Variants in RABGEF1 observed in about 807,000 individuals in gnomAD.
RABGEF1 encodes RAB guanine nucleotide exchange factor 1.
A neutral mutation model predicts 57.3 loss-of-function variants in RABGEF1; 26 were observed. That is an observed-to-expected ratio of 0.45 (90% CI 0.33 to 0.63). The LOEUF (loss-of-function observed/expected upper bound fraction) is 0.63. RABGEF1 is among the 20% of genes least tolerant of loss of function. The pLI, the probability that RABGEF1 is intolerant of heterozygous loss-of-function variation, is 0.02. For missense variants in RABGEF1, 464 were observed against 607.6 expected (o/e 0.76, Z 2.48); for synonymous variants, 185 against 210.7 (o/e 0.88, Z 1.06).
chr7:66,743,447 C>T (rs1799478016), intron 1 of RABGEF1, among the ~76,000 whole-genome samples: 1 of 152,076 alleles, frequency 6.6e-6, no homozygotes, highest in Non-Finnish European at 1.5e-5. Context: ...GTCTCAGCCT[C>T]CCAAGTAACT....
intron 1 of RABGEF1, among the ~76,000 whole-genome samples, chr7:66,697,816 C>T (rs1182599825): frequency 2.6e-5 from 4 of 152,084 alleles, no homozygotes; most frequent in African/African-American, 4.8e-5. Context: ...AGCAGAACTG[C>T]GGTGGGGCCA....
chr7:66,765,757 C>CT (rs1805540804), intron 1 of RABGEF1, among the ~76,000 whole-genome samples: 1 of 152,182 alleles, frequency 6.6e-6, no homozygotes, highest in East Asian at 1.9e-4. Flanking sequence ...GCAAAAGACT[C>CT]TAACACAGTT....
At chr7:66,808,276 C>T (rs1440361907) in intron 8 of RABGEF1, among the ~76,000 whole-genome samples, 2 of 151,086 alleles carry the variant, frequency 1.3e-5, no homozygotes, top group Admixed American at 6.6e-5. Flanking sequence ...AGTGCAGTGG[C>T]GTGATCTTGG....
chr7:66,731,008 G>A (rs767297829), intron 2 of RABGEF1, among the ~76,000 whole-genome samples: 31 of 152,080 alleles, frequency 2.0e-4, no homozygotes, highest in Non-Finnish European at 2.8e-4. Flanking sequence ...GCAGGGATTC[G>A]GGGCCAGGCT....
chr7:66,805,403 A>G lies in RABGEF1; in HGVS notation c.1077+7A>G. Reference sequence around the variant, plus strand: ...CTACTATTTCACCAATCTGGTGAGTAAGTGAGTTCTTGGTGTTGTGGAGAA... The same window carrying G: ...CTACTATTTCACCAATCTGGTGAGTGAGTGAGTTCTTGGTGTTGTGGAGAA... On this transcript the variant is annotated splice_region_variant and intron_variant, in intron 8 of 8. Transcript: ENST00000284957. 1 of 1,613,734 alleles carries G rather than the reference A, an allele frequency of 6.2e-7. No individual in the cohort carries two copies. Among genetic ancestry groups the G allele is most frequent in the East Asian group, 2.2e-5 (1 of 44,874 alleles).
chr7:66,738,268 C>G (rs879656037), upstream of RABGEF1, among the ~76,000 whole-genome samples: 10 of 152,188 alleles, frequency 6.6e-5, no homozygotes, highest in Non-Finnish European at 1.3e-4. Context: ...ATCAGCCTGC[C>G]TTGGCCTCCC....
chr7:66,737,051 GGAGAGAGAGA>G (rs146350696), upstream of RABGEF1, among the ~76,000 whole-genome samples: 19 of 124,922 alleles, frequency 1.5e-4, no homozygotes, highest in Non-Finnish European at 2.8e-4. Flanking sequence ...ATATGAGGGG[GGAGAGAGAGA>G]GAGAGAGAGA....
intron 1 of RABGEF1, among the ~76,000 whole-genome samples, chr7:66,754,140 T>C (rs1299894832): frequency 6.6e-6 from 1 of 150,446 alleles, no homozygotes; most frequent in African/African-American, 2.4e-5. Context: ...TAGCTGGGAC[T>C]ACAGGCGCCC....
chr7:66,663,691 T>A, the RABGEF1 span, among the ~76,000 whole-genome samples: 1 of 149,356 alleles, frequency 6.7e-6, no homozygotes, highest in Non-Finnish European at 1.5e-5. Context: ...TGTATACATA[T>A]GTAACTAACC....
the RABGEF1 span, among the ~76,000 whole-genome samples, chr7:66,659,081 T>C: frequency 6.6e-6 from 1 of 152,106 alleles, no homozygotes; most frequent in Non-Finnish European, 1.5e-5. Context: ...CATTGCCTTG[T>C]TACTAGGGCC....
chr7:66,769,642 C>T (rs776503112), intron 1 of RABGEF1, among the ~76,000 whole-genome samples: 11 of 152,188 alleles, frequency 7.2e-5, no homozygotes, highest in Non-Finnish European at 1.6e-4. Flanking sequence ...GTTGCTTTTG[C>T]AGGAGAGGAT....
chr7:66,706,930 C>T (rs199968128), intron 1 of RABGEF1, among the ~76,000 whole-genome samples: 5 of 150,962 alleles, frequency 3.3e-5, no homozygotes, highest in African/African-American at 1.2e-4. Flanking sequence ...TACAGGCGCC[C>T]ACGACCACGC....
At chr7:66,694,819 G>C (rs994518568) in intron 1 of RABGEF1, among the ~76,000 whole-genome samples, 2 of 152,214 alleles carry the variant, frequency 1.3e-5, no homozygotes, top group Admixed American at 1.3e-4. Context: ...AGGCGTCAGG[G>C]CCCTTCTCTC....
rs563929554 is a variant in RABGEF1 at position 66,784,234 on chromosome 7, G to A, written c.513+393G>A. Among the ~76,000 whole-genome samples the A allele has an allele frequency of 7.2e-4, 109 of 152,270 alleles. 1 individual carries two copies. Among genetic ancestry groups the A allele is most frequent in the African/African-American group, 2.6e-3 (108 of 41,566 alleles). On this transcript the variant is annotated intron_variant, in intron 4 of 8. Coordinates refer to ENST00000284957, the MANE Select transcript of RABGEF1 (RefSeq NM_014504.3). Reference sequence around the variant, plus strand: ...GTTGTTGAATTCTGTTTTGTTTTTTGTATTTTGATTTTGAATTTTTTCATT... The same window carrying A: ...GTTGTTGAATTCTGTTTTGTTTTTTATATTTTGATTTTGAATTTTTTCATT...
intron 2 of RABGEF1, among the ~76,000 whole-genome samples, chr7:66,714,656 C>A (rs1795154854): frequency 6.6e-6 from 1 of 152,154 alleles, no homozygotes; most frequent in Non-Finnish European, 1.5e-5. Flanking sequence ...AAATTTAGGG[C>A]CAGGCGCAGT....
the RABGEF1 span, among the ~76,000 whole-genome samples, chr7:66,657,421 GAA>G: frequency 5.3e-5 from 8 of 152,178 alleles, no homozygotes; most frequent in Non-Finnish European, 1.2e-4. Context: ...CAGGAAATTA[GAA>G]AACACTTTGA....
At chr7:66,733,359 C>T (rs1797560054) in intron 2 of RABGEF1, among the ~76,000 whole-genome samples, 1 of 152,168 alleles carries the variant, frequency 6.6e-6, no homozygotes, top group Non-Finnish European at 1.5e-5. Context: ...TTGACTGTTA[C>T]ACTGGGGGCA....
At chr7:66,687,559 G>A (rs1276713496) in intron 1 of RABGEF1, among the ~76,000 whole-genome samples, 2 of 151,940 alleles carry the variant, frequency 1.3e-5, no homozygotes, top group African/African-American at 4.8e-5. Context: ...TGTTCCTGCA[G>A]TCCAAGCTAC....
intron 1 of RABGEF1, among the ~76,000 whole-genome samples, chr7:66,747,943 A>G (rs1268340248): frequency 6.6e-6 from 1 of 152,216 alleles, no homozygotes; most frequent in African/African-American, 2.4e-5. Context: ...TGCAGGACTG[A>G]GGGAAAATTA....
Sources: allele counts gnomAD v4.1 joint callset (sites outside exome capture counted in the v4.1 genomes callset), GRCh38; gene constraint gnomAD v4.1.1; transcripts MANE v1.5; gene names NCBI Gene and HGNC (gene_info 2026-07-23, HGNC 2026-07-21).